KIF3A: variants seen among roughly 807,000 people sequenced by gnomAD.
KIF3A encodes kinesin family member 3A, also known as kinesin-like protein KIF3A.
A neutral mutation model predicts 92.6 loss-of-function variants in KIF3A; 27 were observed. The observed-to-expected ratio is 0.29, with a 90% CI of 0.21 to 0.40. The LOEUF (loss-of-function observed/expected upper bound fraction) is 0.40, where lower values mean the gene tolerates loss of function less well. Among genes scored for constraint, KIF3A ranks in the 10% least tolerant of loss-of-function variants. The probability of loss-of-function intolerance (pLI) is 1.00; values close to 1 mark genes in which losing one functional copy is unlikely to be tolerated. For synonymous variants in KIF3A, 250 were observed against 275.4 expected, an observed-to-expected ratio of 0.91 and a Z score of 0.92; for missense variants, 581 against 872.6, an observed-to-expected ratio of 0.67 and a Z score of 4.21.
At chr5:132,735,179 A>G (rs536032013) in intron 1 of KIF3A, among the ~76,000 whole-genome samples, 1 of 152,230 alleles carries the variant, frequency 6.6e-6, no homozygotes, top group South Asian at 2.1e-4. Context: ...GGCTCAAGCG[A>G]TTCTGCTGCC....
At chr5:132,702,244 A>C in intron 14 of KIF3A, 32 bp from the exon 15 acceptor site, 1 of 1,608,190 alleles carries the variant, frequency 6.2e-7, no homozygotes, top group East Asian at 2.2e-5. Context: ...TATTATGAAC[A>C]AACAAGACTT....
At position 132,703,757 on chromosome 5, in the gene KIF3A, A is replaced by G; in HGVS notation, c.1310-138T>C. The G allele has an allele frequency of 6.6e-6, 4 of 609,542 alleles. No individual in the cohort carries two copies. In the Admixed American group the frequency reaches 9.4e-5, roughly 14 times the overall value. The allele number at this position is 609,542 out of a possible 1,614,324, so 37.8% of individuals were successfully genotyped here. ...ATTATCAATATTTTAAGGAAATCAA[A>G]CCAATAATATCATGCATTTCCATTT... On this transcript the variant is annotated intron_variant, in intron 11 of 18. Coordinates refer to ENST00000403231, the MANE Select transcript of KIF3A (RefSeq NM_001300791.2).
intron 10 of KIF3A, among the ~76,000 whole-genome samples, chr5:132,708,058 C>T (rs1370371377): frequency 6.6e-6 from 1 of 151,934 alleles, no homozygotes; most frequent in Non-Finnish European, 1.5e-5. Context: ...CCGAGGCGGG[C>T]AGATCATGAG....
chr5:132,726,797 A>G (rs1754049074), intron 2 of KIF3A, among the ~76,000 whole-genome samples: 1 of 152,232 alleles, frequency 6.6e-6, no homozygotes, highest in Non-Finnish European at 1.5e-5. Flanking sequence ...TCATGTGTAT[A>G]TAAAGTACTT....
At chr5:132,713,889 CTTTTT>C (rs34191042) in intron 8 of KIF3A, among the ~76,000 whole-genome samples, 2 of 83,760 alleles carry the variant, frequency 2.4e-5, no homozygotes, top group African/African-American at 9.6e-5. Flanking sequence ...ATTTCACTTT[CTTTTT>C]TTTTTTTTTT....
intron 2 of KIF3A, among the ~76,000 whole-genome samples, chr5:132,728,410 G>A (rs980469157): frequency 4.6e-5 from 7 of 152,022 alleles, no homozygotes; most frequent in African/African-American, 1.7e-4. Context: ...TAAAAAATAG[G>A]CACTATTTAT....
chr5:132,730,166 C>A (rs561220873), intron 2 of KIF3A, among the ~76,000 whole-genome samples: 2 of 152,298 alleles, frequency 1.3e-5, no homozygotes, highest in East Asian at 3.9e-4. Context: ...AGCTACCAAA[C>A]CTCACTTAAG....
At chr5:132,734,549 AC>A (rs1754332081) in intron 1 of KIF3A, 71 bp from the exon 2 acceptor site, 2 of 1,405,010 alleles carry the variant, frequency 1.4e-6, no homozygotes, top group Admixed American at 5.0e-5. Context: ...AAATTTATAA[AC>A]TTTAAAAGGC....
chr5:132,701,502 C>CAAAAAAA (rs5871462), intron 15 of KIF3A, among the ~76,000 whole-genome samples: 3 of 101,216 alleles, frequency 3.0e-5, no homozygotes, highest in Non-Finnish European at 4.1e-5. Context: ...GTCTCCCTGA[C>CAAAAAAA]AAAAAAAAAA....
At position 132,726,110 on chromosome 5, in the gene KIF3A, A is replaced by G. The variant is rs200998966; in HGVS notation, c.510+18T>C. On this transcript the variant is annotated intron_variant, in intron 4 of 18. Coordinates refer to ENST00000403231, the MANE Select transcript of KIF3A (RefSeq NM_001300791.2). ...ATTGCTTTGGAAAAAGTACTCCACC[A>G]ATTTCAATTATCCTTACCTCTAACC... 3.9e-4 allele frequency: 599 copies of G among 1,546,054 alleles called. No homozygotes were observed. Among genetic ancestry groups the G allele is most frequent in the Non-Finnish European group, 5.1e-4 (577 of 1,138,772 alleles).
chr5:132,719,217 ATCTC>A (rs370519690), intron 5 of KIF3A, among the ~76,000 whole-genome samples: 106 of 152,274 alleles, frequency 7.0e-4, no homozygotes, highest in Middle Eastern at 6.8e-3. Flanking sequence ...TGGGTGAAAC[ATCTC>A]TCTCTATCTT....
At chr5:132,718,499 G>A (rs1753712489) in intron 5 of KIF3A, among the ~76,000 whole-genome samples, 2 of 152,210 alleles carry the variant, frequency 1.3e-5, no homozygotes, top group South Asian at 2.1e-4. Flanking sequence ...TAGCAGAGAC[G>A]AGGTTTCACC....
chr5:132,701,891 T>C (rs1753050256), intron 15 of KIF3A, among the ~76,000 whole-genome samples, 196 bp downstream of exon 15: 1 of 152,194 alleles, frequency 6.6e-6, no homozygotes, highest in African/African-American at 2.4e-5. Context: ...GAATCTGAGT[T>C]CGTCTAAAAG....
At chr5:132,713,896 T>C (rs1753520972) in intron 8 of KIF3A, among the ~76,000 whole-genome samples, 1 of 132,420 alleles carries the variant, frequency 7.6e-6, no homozygotes, top group African/African-American at 2.7e-5. Flanking sequence ...TTTCTTTTTT[T>C]TTTTTTTTTT....
Position 132,692,970 on chromosome 5 carries a change from C to A in KIF3A, c.*3664G>T, listed in dbSNP as rs987771868. On this transcript the variant is annotated 3_prime_UTR_variant, in exon 19 of 19. Transcript: ENST00000403231. ...AGACATTGGTGTACTTAAATGTAAA[C>A]GCTACCCATTCCTTAATTCACAGCC... 5 of 152,428 alleles carry A rather than the reference C, an allele frequency of 3.3e-5. No individual in the cohort carries two copies. Among genetic ancestry groups the A allele is most frequent in the Non-Finnish European group, 5.9e-5 (4 of 67,994 alleles). The allele number at this position is 152,428 out of a possible 1,614,324, so 9.4% of individuals were successfully genotyped here.
downstream of KIF3A, among the ~76,000 whole-genome samples, chr5:132,691,428 T>A (rs1465559988): frequency 6.6e-6 from 1 of 151,756 alleles, no homozygotes; most frequent in East Asian, 1.9e-4. Flanking sequence ...ATGCCTGTAG[T>A]CCCAGCTACT....
intron 10 of KIF3A, among the ~76,000 whole-genome samples, chr5:132,708,613 A>AT (rs1369490458): frequency 1.3e-5 from 2 of 152,248 alleles, no homozygotes; most frequent in African/African-American, 4.8e-5. Flanking sequence ...AAAAATAAGC[A>AT]TAAGAATTAT....
intron 2 of KIF3A, 55 bp from the exon 3 acceptor site, chr5:132,726,553 T>G: frequency 3.4e-6 from 5 of 1,467,106 alleles, no homozygotes; most frequent in Non-Finnish European, 4.7e-6. Context: ...TACAGAACAA[T>G]AGCTCTTAAA....
In KIF3A at chr5:132,706,014, A is replaced by G. The variant is rs538281809; in HGVS notation, c.1309+437T>C. Among the ~76,000 whole-genome samples, 5 of 152,246 alleles carry G rather than the reference A, an allele frequency of 3.3e-5. No individual in the cohort carries two copies. The South Asian group carries it at 6.2e-4, about 19-fold the overall frequency. ...TAAACAGTATTTAACTAAACCAGAC[A>G]TAAGTAGCAACATTTTTTTATTGCC... is the stretch of plus-strand genomic sequence containing the variant. On this transcript the variant is annotated intron_variant, in intron 11 of 18. Coordinates refer to ENST00000403231, the MANE Select transcript of KIF3A (RefSeq NM_001300791.2).
Sources: gnomAD v4.1 joint callset for allele counts (sites outside exome capture counted in the v4.1 genomes callset) on GRCh38, gnomAD v4.1.1 for gene constraint, MANE v1.5 for transcripts, NCBI Gene and HGNC (gene_info 2026-07-23, HGNC 2026-07-21) for gene names.